The following DSN1 variants were observed in gnomAD, a reference collection of about 807,000 sequenced individuals.
DSN1 encodes the protein DSN1 component of MIS12 kinetochore complex.
Under a neutral mutation model 45.7 loss-of-function variants are expected in DSN1, and 31 were observed. The ratio of observed to expected loss-of-function variants is 0.68; its 90% CI spans 0.51 to 0.92. The LOEUF (loss-of-function observed/expected upper bound fraction) is 0.92. Among genes scored for constraint, DSN1 ranks in the 40% least tolerant of loss-of-function variants. The probability of loss-of-function intolerance (pLI) is 0.00; values close to 1 mark genes in which losing one functional copy is unlikely to be tolerated. For missense variants in DSN1, 394 were observed against 414.2 expected, an observed-to-expected ratio of 0.95 and a Z score of 0.42; for synonymous variants, 134 against 142.3, an observed-to-expected ratio of 0.94 and a Z score of 0.41.
intron 6 of DSN1, among the ~76,000 whole-genome samples, chr20:36,760,748 C>T (rs1299980118): frequency 2.0e-5 from 3 of 151,904 alleles, no homozygotes; most frequent in South Asian, 2.1e-4. Context: ...ATTAGTTGGG[C>T]GTGGTGGCAG....
At position 36,752,642 on chromosome 20, in the gene DSN1, T is replaced by C; in HGVS notation, c.*146A>G. On this transcript the variant is annotated 3_prime_UTR_variant, in exon 11 of 11. Transcript: ENST00000373750. Reference sequence around the variant, plus strand: ...CATTTGGATGTACAAATTCCATCACTTTTTGAAAAAAGTCAAAGTGTTCTA... The same window carrying C: ...CATTTGGATGTACAAATTCCATCACCTTTTGAAAAAAGTCAAAGTGTTCTA... 1 of 601,822 alleles carries C rather than the reference T, an allele frequency of 1.7e-6. No homozygotes were observed. Among genetic ancestry groups the C allele is most frequent in the East Asian group, 2.7e-5 (1 of 36,388 alleles). The allele number at this position is 601,822 out of a possible 1,614,324, so 37.3% of individuals were successfully genotyped here. A position where few individuals can be genotyped will look rare whatever the true frequency, so the allele number is the denominator to read the frequency against.
intron 1 of DSN1, 139 bp downstream of exon 1, chr20:36,773,523 C>CGGTCGG (rs1326496618): frequency 3.0e-6 from 3 of 986,010 alleles, no homozygotes; most frequent in African/African-American, 3.5e-5. Context: ...CCAGTGTCCA[C>CGGTCGG]GGTCGGGGCC....
intron 1 of DSN1, among the ~76,000 whole-genome samples, chr20:36,772,447 C>T (rs1362441726): frequency 6.6e-6 from 1 of 151,976 alleles, no homozygotes; most frequent in African/African-American, 2.4e-5. Flanking sequence ...TGCCACCACA[C>T]CTGGCTAATT....
chr20:36,768,379 C>G lies in DSN1; in HGVS notation c.356-337G>C, dbSNP rs188556001. Among the ~76,000 whole-genome samples, 46 of 152,254 alleles carry G rather than the reference C, an allele frequency of 3.0e-4. 1 individual carries two copies. Among genetic ancestry groups the G allele is most frequent in the Middle Eastern group, 6.8e-3 (2 of 294 alleles). On this transcript the variant is annotated intron_variant, in intron 3 of 10. Transcript: ENST00000373750. ...ACAACATGGTGAAATCCCGTCTCTA[C>G]TAAAAACAGAAAAATTAGCCAGGAG...
At chr20:36,764,320 G>A (rs188106385) in intron 5 of DSN1, among the ~76,000 whole-genome samples, 42 of 152,112 alleles carry the variant, frequency 2.8e-4, no homozygotes, top group Non-Finnish European at 5.1e-4. Context: ...AAGGGGAAAG[G>A]CTATGTTAAT....
Position 36,773,737 on chromosome 20 carries a change from C to G in DSN1, c.-91G>C, listed in dbSNP as rs1486383098. Reference sequence around the variant, plus strand: ...ACGCCTTGCGCACCCGCAGCCGATACTCCCTGATCAGGGTGAAGCGGTCTC... The same window carrying G: ...ACGCCTTGCGCACCCGCAGCCGATAGTCCCTGATCAGGGTGAAGCGGTCTC... On this transcript the variant is annotated 5_prime_UTR_variant, in exon 1 of 11. Transcript: ENST00000373750. 1.0e-6 allele frequency: 1 copy of G among 985,478 alleles called. No individual in the cohort carries two copies. The highest frequency in any genetic ancestry group is 1.7e-5 in the African/African-American group (1 of 57,258). The allele number at this position is 985,478 out of a possible 1,614,324, so 61.0% of individuals were successfully genotyped here. A position where few individuals can be genotyped will look rare whatever the true frequency, so the allele number is the denominator to read the frequency against.
Position 36,760,557 on chromosome 20 carries a change from T to G in DSN1, c.590+1904A>C, listed in dbSNP as rs986613771. Among the ~76,000 whole-genome samples, 9 of 152,298 alleles carry G rather than the reference T, an allele frequency of 5.9e-5. No individual in the cohort carries two copies. The South Asian group carries it at 1.2e-3, about 21-fold the overall frequency. Reference sequence around the variant, plus strand: ...CCTGAGACACACAGCCATTACCACCTCTGGCTAAGAAACACTAGCCTGTGC... The same window carrying G: ...CCTGAGACACACAGCCATTACCACCGCTGGCTAAGAAACACTAGCCTGTGC... On this transcript the variant is annotated intron_variant, in intron 6 of 10. Transcript: ENST00000373750.
chr20:36,769,951 AG>A (rs1431885538), intron 3 of DSN1, among the ~76,000 whole-genome samples: 12 of 134,098 alleles, frequency 8.9e-5, no homozygotes, highest in African/African-American at 3.3e-4. Context: ...AGAGAGAGAG[AG>A]ACAGAGAGAG....
At chr20:36,756,731 A>G (rs914323422) in intron 8 of DSN1, among the ~76,000 whole-genome samples, 1 of 150,970 alleles carries the variant, frequency 6.6e-6, no homozygotes, top group Non-Finnish European at 1.5e-5. Flanking sequence ...CACAAAACTA[A>G]GGAACAGTTA....
intron 6 of DSN1, among the ~76,000 whole-genome samples, chr20:36,760,018 C>T (rs1331898735): frequency 2.6e-5 from 4 of 151,668 alleles, no homozygotes; most frequent in South Asian, 2.1e-4. Context: ...CCGAGGCAGG[C>T]GGATTACCTG....
intron 4 of DSN1, among the ~76,000 whole-genome samples, chr20:36,767,278 G>A (rs908171154): frequency 6.6e-5 from 10 of 152,056 alleles, no homozygotes; most frequent in Non-Finnish European, 2.9e-5. Flanking sequence ...CTGCACTCCA[G>A]CCTGGTGACA....
intron 6 of DSN1, 123 bp from the exon 7 acceptor site, chr20:36,758,740 T>C (rs982896885): frequency 1.4e-5 from 13 of 898,894 alleles, no homozygotes; most frequent in Non-Finnish European, 1.6e-5. Flanking sequence ...CAGGCTGGAG[T>C]GCAATGGCAC....
intron 10 of DSN1, among the ~76,000 whole-genome samples, 182 bp from the exon 11 acceptor site, chr20:36,753,079 C>T (rs922178672): frequency 5.9e-5 from 9 of 151,846 alleles, no homozygotes; most frequent in Non-Finnish European, 1.3e-4. Context: ...CATGGTGGCT[C>T]ACGCCTGTAA....
intron 3 of DSN1, among the ~76,000 whole-genome samples, chr20:36,769,940 C>CACAG (rs1180907554): frequency 2.5e-4 from 21 of 85,014 alleles, no homozygotes; most frequent in East Asian, 2.1e-3. Context: ...CACACACACA[C>CACAG]AGAGAGAGAG....
intron 4 of DSN1, among the ~76,000 whole-genome samples, chr20:36,767,239 G>A (rs150779824): frequency 0.028 from 4,316 of 151,892 alleles, 244 homozygotes; most frequent in African/African-American, 0.099. Context: ...CCTGGGAGGC[G>A]GAGGTTGCAG....
At position 36,755,816 on chromosome 20, in the gene DSN1, C is replaced by T; in HGVS notation, c.739G>A (p.Ala247Thr). The T allele has an allele frequency of 6.2e-7, 1 of 1,611,316 alleles. No individual in the cohort carries two copies. ...TCCACTTTGACCTCAGTAATTTTGG[C>T]CTCAGTTGATCCTCTAAAAACAAAA... is the stretch of plus-strand genomic sequence containing the variant. ...KEILSRGSTEAKITEVKVEPM... is the reference protein window; with the variant it reads ...KEILSRGSTETKITEVKVEPM... Residue 247 changes from alanine to threonine, a missense_variant, in exon 9 of 11, where the codon GCC becomes ACC. Ala to Thr is a moderately conservative substitution (Grantham distance 58). Transcript: ENST00000373750.
chr20:36,763,909 A>AAC (rs1568694782), intron 5 of DSN1, among the ~76,000 whole-genome samples: 4 of 149,628 alleles, frequency 2.7e-5, no homozygotes, highest in African/African-American at 9.9e-5. Flanking sequence ...AAAAAAAAAA[A>AAC]AAGAAAGACA....
intron 2 of DSN1, 107 bp downstream of exon 2, chr20:36,771,318 A>C (rs1987638092): frequency 6.7e-7 from 1 of 1,482,684 alleles, no homozygotes; most frequent in African/African-American, 1.4e-5. Flanking sequence ...ATCTCTGCAA[A>C]TAATGAGTAT....
In DSN1 at chr20:36,752,756, T is replaced by C; in HGVS notation, c.*32A>G. On this transcript the variant is annotated 3_prime_UTR_variant, in exon 11 of 11. Coordinates refer to ENST00000373750, the MANE Select transcript of DSN1 (RefSeq NM_001145315.2). ...GGGCACTCTTCCCATTCCTCTCCTC[T>C]TGGGCACCTTGTGGCAGAAACTCTC... 6.3e-7 allele frequency: 1 copy of C among 1,585,348 alleles called. No homozygotes were observed. Among genetic ancestry groups the C allele is most frequent in the African/African-American group, 1.3e-5 (1 of 74,404 alleles).
Sources: gnomAD v4.1 joint callset for allele counts (sites outside exome capture counted in the v4.1 genomes callset) on GRCh38, gnomAD v4.1.1 for gene constraint, MANE v1.5 for transcripts, NCBI Gene and HGNC (gene_info 2026-07-23, HGNC 2026-07-21) for gene names.